ZNF697: variants seen among roughly 807,000 people sequenced by gnomAD.
The protein encoded by ZNF697 is zinc finger protein 697.
ZNF697 carries 23 observed loss-of-function variants against 32.4 expected under a neutral mutation model. The observed-to-expected ratio is 0.71, with a 90% CI of 0.51 to 1.01. The LOEUF is 1.01. ZNF697 is among the 50% of genes least tolerant of loss of function. ZNF697 has a pLI of 0.00. For synonymous variants in ZNF697, 418 were observed against 337.2 expected, an observed-to-expected ratio of 1.24 and a Z score of -2.62; for missense variants, 930 against 794.0, an observed-to-expected ratio of 1.17 and a Z score of -2.06.
chr1:119,641,590 G>A (rs1390914233), intron 1 of ZNF697, among the ~76,000 whole-genome samples: 2 of 152,098 alleles, frequency 1.3e-5, no homozygotes, highest in African/African-American at 2.4e-5. Context: ...ACACTGATAC[G>A]GTTTGGCTGC....
rs1648255833 is a variant in ZNF697, at chr1:119,619,918, G to T, written c.*2787C>A. On this transcript the variant is annotated 3_prime_UTR_variant, in exon 3 of 3. Transcript: ENST00000421812. ...TACACTTGCTTCCACCATCATTAAT[G>T]AGTTGGTGGAAAAAGTCCTCAGATT... is the stretch of plus-strand genomic sequence containing the variant. 6.6e-6 allele frequency: 1 copy of T among 152,606 alleles called. No individual in the cohort carries two copies. Among genetic ancestry groups the T allele is most frequent in the Admixed American group, 6.5e-5 (1 of 15,280 alleles). The allele number at this position is 152,606 out of a possible 1,614,324, so 9.5% of individuals were successfully genotyped here.
At chr1:119,639,998 T>C (rs1398829844) in intron 1 of ZNF697, among the ~76,000 whole-genome samples, 1 of 152,250 alleles carries the variant, frequency 6.6e-6, no homozygotes, top group Admixed American at 6.5e-5. Flanking sequence ...CAACTGAACC[T>C]ACCTTATAGG....
In ZNF697 at chr1:119,622,834, G is replaced by A. The variant is rs1240032774; in HGVS notation, c.1509C>T (p.Ile503=). The A allele has an allele frequency of 1.5e-5, 24 of 1,605,698 alleles. No individual in the cohort carries two copies. Among genetic ancestry groups the A allele is most frequent in the Non-Finnish European group, 2.0e-5 (23 of 1,175,726 alleles). Residue 503 remains isoleucine, a synonymous_variant, in exon 3 of 3, where the codon ATC becomes ATT. Coordinates refer to ENST00000421812, the MANE Select transcript of ZNF697 (RefSeq NM_001080470.2). The part of the protein sequence containing the change: ...YTCIECGKSF[I]QSSHLIRHRR... ...GGTGGCGGATCAGGTGGGAGCTCTG[G>A]ATAAAGCTCTTGCCGCACTCGATGC...
Position 119,622,640 on chromosome 1 carries a change from G to A in ZNF697, c.*65C>T. On this transcript the variant is annotated 3_prime_UTR_variant, in exon 3 of 3. Transcript: ENST00000421812. ...GCCCCTTCCCCACTTCCTTCCCCTG[G>A]GTCAGTCCCAGGATATCTACCCCCC... 1 of 1,443,588 alleles carries A rather than the reference G, an allele frequency of 6.9e-7. No homozygotes were observed. Among genetic ancestry groups the A allele is most frequent in the Non-Finnish European group, 9.1e-7 (1 of 1,101,394 alleles). 89.4% of individuals were successfully genotyped at this position (1,443,588 alleles called of 1,614,324 possible).
chr1:119,629,606 G>C (rs1179078745), intron 1 of ZNF697, among the ~76,000 whole-genome samples: 2 of 152,116 alleles, frequency 1.3e-5, no homozygotes, highest in Non-Finnish European at 2.9e-5. Context: ...TACCTTGCAG[G>C]GTTGTTTCTC....
intron 1 of ZNF697, among the ~76,000 whole-genome samples, chr1:119,631,748 G>T (rs1261419703): frequency 6.6e-6 from 1 of 152,186 alleles, no homozygotes; most frequent in Admixed American, 6.5e-5. Context: ...CGGGCCAGGA[G>T]CGGCTCCCAC....
chr1:119,622,055 T>G lies in ZNF697; in HGVS notation c.*650A>C, dbSNP rs972064350. 1 of 152,618 alleles carries G rather than the reference T, an allele frequency of 6.6e-6. No homozygotes were observed. Among genetic ancestry groups the G allele is most frequent in the African/African-American group, 2.4e-5 (1 of 41,442 alleles). 9.5% of individuals were successfully genotyped at this position (152,618 alleles called of 1,614,324 possible). ...CCCACATCAGAGAACCAGTTATAAA[T>G]GAATTTCTAAACCCCAGACATTGCC... On this transcript the variant is annotated 3_prime_UTR_variant, in exon 3 of 3. Coordinates refer to ENST00000421812, the MANE Select transcript of ZNF697 (RefSeq NM_001080470.2).
At position 119,626,155 on chromosome 1, in the gene ZNF697, A is replaced by G. The variant is rs1349128163; in HGVS notation, c.-37-18T>C. 1 of 1,609,364 alleles carries G rather than the reference A, an allele frequency of 6.2e-7. No individual in the cohort carries two copies. Among genetic ancestry groups the G allele is most frequent in the East Asian group, 2.2e-5 (1 of 44,858 alleles). Reference sequence around the variant, plus strand: ...AGGAATCCCTGCTCCAGAAAAACACAAAGAAAGGTCACGTCAGTCCGGTCT... The same window carrying G: ...AGGAATCCCTGCTCCAGAAAAACACGAAGAAAGGTCACGTCAGTCCGGTCT... On this transcript the variant is annotated intron_variant, in intron 1 of 2. Transcript: ENST00000421812.
chr1:119,641,833 T>C (rs1002481247), intron 1 of ZNF697, among the ~76,000 whole-genome samples: 6 of 152,208 alleles, frequency 3.9e-5, no homozygotes, highest in Non-Finnish European at 7.3e-5. Context: ...CCTTCTGCCA[T>C]GATTGTAAGT....
rs748569609 is a variant in ZNF697 at position 119,624,057 on chromosome 1, C to T, written c.286G>A (p.Gly96Ser). 6.2e-6 allele frequency: 10 copies of T among 1,610,256 alleles called. No individual in the cohort carries two copies. In the East Asian group the frequency reaches 2.0e-4, roughly 32 times the overall value. ...SVRGEEDDQS[G>S]VADMAMFPGL... is the part of the protein sequence containing the mutation. ...GGGAACATCGCCATGTCAGCTACACCGGATTGGTCATCCTCTTCCCCACGG... is the reference window on the plus strand; with the variant it reads ...GGGAACATCGCCATGTCAGCTACACTGGATTGGTCATCCTCTTCCCCACGG... The change falls in exon 3 of 3, where the codon GGT becomes AGT. Residue 96 changes from glycine to serine, a missense_variant. Gly to Ser is a moderately conservative substitution (Grantham distance 56). Transcript: ENST00000421812.
intron 1 of ZNF697, among the ~76,000 whole-genome samples, chr1:119,627,963 T>G (rs1648644320): frequency 6.6e-6 from 1 of 150,948 alleles, no homozygotes; most frequent in Non-Finnish European, 1.5e-5. Flanking sequence ...ATCCCTTGAG[T>G]CTGCATATAT....
rs1471326373 is a variant in ZNF697, at chr1:119,623,212, G to C, written c.1131C>G (p.Gly377=). 1.3e-6 allele frequency: 2 copies of C among 1,573,266 alleles called. No homozygotes were observed. The highest frequency in any genetic ancestry group is 1.7e-6 in the Non-Finnish European group (2 of 1,160,086). The stretch of plus-strand genomic sequence containing the variant: ...ACTCGCCACAGCCGTGCGGCTTCTC[G>C]CCCGTGTGGATGCGCTGGTGGTTGG... ...HLANHQRIHT[G]EKPHGCGECG... The change falls in exon 3 of 3, where the codon GGC becomes GGG. Residue 377 remains glycine (G), a synonymous_variant. Transcript: ENST00000421812.
At position 119,623,644 on chromosome 1, in the gene ZNF697, C is replaced by T. The variant is rs1432665136; in HGVS notation, c.699G>A (p.Ala233=). 5 of 1,050,570 alleles carry T rather than the reference C, an allele frequency of 4.8e-6. No homozygotes were observed. The highest frequency in any genetic ancestry group is 3.8e-4 in the Middle Eastern group (1 of 2,614). The allele number at this position is 1,050,570 out of a possible 1,614,324, so 65.1% of individuals were successfully genotyped here. A position where few individuals can be genotyped will look rare whatever the true frequency, so the allele number is the denominator to read the frequency against. Residue 233 remains alanine (A), a synonymous_variant, in exon 3 of 3, where the codon GCG becomes GCA. Transcript: ENST00000421812. The part of the protein sequence containing the change: ...EPFGLAGECD[A]MVGMMGVGVA... ...CACCCACCCCCATCATGCCCACCATCGCGTCGCACTCGCCCGCCAGGCCGA... is the reference window on the plus strand; with the variant it reads ...CACCCACCCCCATCATGCCCACCATTGCGTCGCACTCGCCCGCCAGGCCGA...
At chr1:119,647,220 C>T (rs904961737) in intron 1 of ZNF697, among the ~76,000 whole-genome samples, 1 of 152,174 alleles carries the variant, frequency 6.6e-6, no homozygotes, top group Non-Finnish European at 1.5e-5. Flanking sequence ...TGTGTCGCTG[C>T]TCCCCCTCAA....
At chr1:119,639,838 G>A (rs1023552673) in intron 1 of ZNF697, among the ~76,000 whole-genome samples, 1 of 151,950 alleles carries the variant, frequency 6.6e-6, no homozygotes, top group Non-Finnish European at 1.5e-5. Context: ...CAGCCTGGGT[G>A]ACAGAGCAAG....
intron 1 of ZNF697, among the ~76,000 whole-genome samples, chr1:119,629,977 G>A (rs2101085050): frequency 6.6e-6 from 1 of 152,318 alleles, no homozygotes. Flanking sequence ...TAGGTCTAAA[G>A]CTAAATAGGG....
intron 1 of ZNF697, among the ~76,000 whole-genome samples, chr1:119,637,106 A>G (rs587715329): frequency 6.6e-6 from 1 of 152,370 alleles, no homozygotes; most frequent in East Asian, 1.9e-4. Context: ...AAGAATTACA[A>G]TCTGGACAAA....
intron 1 of ZNF697, among the ~76,000 whole-genome samples, chr1:119,635,672 C>T (rs1434366223): frequency 6.6e-6 from 1 of 152,096 alleles, no homozygotes; most frequent in Non-Finnish European, 1.5e-5. Flanking sequence ...ATTGGTCCTC[C>T]CTAGAATCAC....
Position 119,622,007 on chromosome 1 carries a change from A to G in ZNF697, c.*698T>C, listed in dbSNP as rs905320972. The G allele has an allele frequency of 6.6e-6, 1 of 152,656 alleles. No homozygotes were observed. The highest frequency in any genetic ancestry group is 2.4e-5 in the African/African-American group (1 of 41,444). 9.5% of individuals were successfully genotyped at this position (152,656 alleles called of 1,614,324 possible). On this transcript the variant is annotated 3_prime_UTR_variant, in exon 3 of 3. Transcript: ENST00000421812. ...GAGTATTTTCAAGGAAGTAGCAAAG[A>G]ACCCGGGACAGAATCAGGATTTCCC...
Sources: allele counts gnomAD v4.1 joint callset (sites outside exome capture counted in the v4.1 genomes callset), GRCh38; gene constraint gnomAD v4.1.1; transcripts MANE v1.5; gene names NCBI Gene and HGNC (gene_info 2026-07-23, HGNC 2026-07-21).